Variants in DISC1 observed in about 807,000 individuals in gnomAD.
DISC1 encodes disrupted in schizophrenia 1 protein.
Under a neutral mutation model 84.5 loss-of-function variants are expected in DISC1, and 57 were observed. That is an observed-to-expected ratio of 0.67 (90% confidence interval 0.55 to 0.84). DISC1 has a LOEUF of 0.84. Among genes scored for constraint, DISC1 ranks in the 40% least tolerant of loss-of-function variants. DISC1 has a pLI of 0.00. For missense variants in DISC1, 1,000 were observed against 1,057.8 expected (o/e 0.95, Z 0.76); for synonymous variants, 411 against 415.2 (o/e 0.99, Z 0.12).
At chr1:231,627,031 C>A in intron 1 of DISC1, 97 bp downstream of exon 1, 1 of 824,278 alleles carries the variant, frequency 1.2e-6, no homozygotes, top group Non-Finnish European at 1.8e-6. Flanking sequence ...TCAGGGCGTG[C>A]CTCTGTTAAC....
At chr1:231,895,624 AT>A (rs5781674) in intron 9 of DISC1, among the ~76,000 whole-genome samples, 48 of 149,812 alleles carry the variant, frequency 3.2e-4, no homozygotes, top group African/African-American at 6.6e-4. Context: ...ACTGTGCTAG[AT>A]TTTTTTTTTT....
At chr1:231,836,358 A>G (rs2125841932) in intron 9 of DISC1, among the ~76,000 whole-genome samples, 2 of 152,270 alleles carry the variant, frequency 1.3e-5, no homozygotes, top group South Asian at 4.1e-4. Flanking sequence ...GTTCAAAGAA[A>G]TGGTAGAGAA....
At chr1:231,866,459 C>G (rs2085061587) in intron 9 of DISC1, 1 of 772,276 alleles carries the variant, frequency 1.3e-6, no homozygotes, top group Non-Finnish European at 2.4e-6. Context: ...CAACAGCTAA[C>G]ACTTATTACA....
chr1:231,710,675 T>C (rs12410426), intron 3 of DISC1, among the ~76,000 whole-genome samples: 5,597 of 152,286 alleles, frequency 0.037, 139 homozygotes, highest in Admixed American at 0.064. Context: ...ACAGCTATTT[T>C]CTCCTTGTGT....
At chr1:231,719,334 A>G (rs751956887) in intron 3 of DISC1, among the ~76,000 whole-genome samples, 8 of 152,164 alleles carry the variant, frequency 5.3e-5, no homozygotes, top group African/African-American at 1.4e-4. Context: ...CCTCTCAAGA[A>G]GTGGTTGTTG....
At chr1:231,777,760 C>T (rs1209260247) in intron 6 of DISC1, among the ~76,000 whole-genome samples, 1 of 152,194 alleles carries the variant, frequency 6.6e-6, no homozygotes, top group East Asian at 1.9e-4. Flanking sequence ...TGTTGATACT[C>T]ATACACTAAT....
chr1:231,923,202 G>A (rs1470915390), intron 9 of DISC1, among the ~76,000 whole-genome samples: 1 of 151,076 alleles, frequency 6.6e-6, no homozygotes, highest in Non-Finnish European at 1.5e-5. Flanking sequence ...CAGGAGAATC[G>A]TTTGAACTGG....
Position 231,686,835 on chromosome 1 carries a change from T to C in DISC1, c.68-6991T>C, listed in dbSNP as rs576354169. Among the ~76,000 whole-genome samples the C allele has an allele frequency of 2.1e-4, 32 of 152,324 alleles. No individual in the cohort carries two copies. The South Asian group carries it at 6.6e-3, about 32-fold the overall frequency. On this transcript the variant is annotated intron_variant, in intron 1 of 12. Coordinates refer to ENST00000439617, the MANE Select transcript of DISC1 (RefSeq NM_018662.3). ...CTGAATGCCTTTAACAGCACCCATG[T>C]CACCTCTTGAAGGCTTTGCTGCTTG...
chr1:231,719,937 C>T (rs528849235), intron 3 of DISC1, among the ~76,000 whole-genome samples: 5 of 152,250 alleles, frequency 3.3e-5, no homozygotes, highest in African/African-American at 7.2e-5. Flanking sequence ...CTGATGACAG[C>T]GATGTAGCAG....
intron 9 of DISC1, among the ~76,000 whole-genome samples, chr1:231,833,605 G>A (rs926523091): frequency 2.0e-5 from 3 of 151,930 alleles, no homozygotes; most frequent in Non-Finnish European, 4.4e-5. Context: ...CAGATGAGAC[G>A]CGGCTTAGGA....
chr1:232,028,989 C>G (rs1037033925), intron 12 of DISC1, among the ~76,000 whole-genome samples: 1 of 152,162 alleles, frequency 6.6e-6, no homozygotes, highest in Admixed American at 6.5e-5. Context: ...AGTAGCAGAA[C>G]TTTTCAGCCA....
At chr1:231,730,330 G>A (rs202186554) in intron 3 of DISC1, among the ~76,000 whole-genome samples, 1 of 152,174 alleles carries the variant, frequency 6.6e-6, no homozygotes, top group African/African-American at 2.4e-5. Context: ...GAAGGATAAA[G>A]AAGCCAATGA....
chr1:231,697,900 CT>C (rs112676337), intron 2 of DISC1, among the ~76,000 whole-genome samples: 1 of 152,112 alleles, frequency 6.6e-6, no homozygotes, highest in East Asian at 1.9e-4. Context: ...TTAATGCCAT[CT>C]TTTTTTACAT....
At chr1:231,778,991 C>T (rs534661621) in intron 6 of DISC1, among the ~76,000 whole-genome samples, 4 of 152,166 alleles carry the variant, frequency 2.6e-5, no homozygotes, top group Non-Finnish European at 4.4e-5. Context: ...AATGCTAAAA[C>T]GAGATCATAA....
intron 9 of DISC1, among the ~76,000 whole-genome samples, chr1:231,823,243 G>T (rs1285132190): frequency 6.6e-6 from 1 of 150,660 alleles, no homozygotes; most frequent in East Asian, 2.0e-4. Flanking sequence ...AGAAACTGAT[G>T]AAAAAGTAGA....
At chr1:231,684,948 C>G (rs2064080022) in intron 1 of DISC1, 2 of 152,242 alleles carry the variant, frequency 1.3e-5, no homozygotes, top group African/African-American at 4.8e-5. Context: ...CTCAGCTTTC[C>G]AGATGACTGA....
rs370240567 is a variant in DISC1 at position 231,813,800 on chromosome 1, C to A, written c.1793-4529C>A. ...CTCTTATATTCTTCCCTCCTGAAAT[C>A]TGCCTCAGTCTCTCCTTCTGGAATA... is the stretch of plus-strand genomic sequence containing the variant. On this transcript the variant is annotated intron_variant, in intron 8 of 12. Coordinates refer to ENST00000439617, the MANE Select transcript of DISC1 (RefSeq NM_018662.3). Among the ~76,000 whole-genome samples the A allele has an allele frequency of 1.4e-3, 214 of 152,316 alleles. 1 individual carries two copies. Among genetic ancestry groups the A allele is most frequent in the African/African-American group, 4.8e-3 (198 of 41,562 alleles).
intron 3 of DISC1, among the ~76,000 whole-genome samples, chr1:231,746,524 A>G (rs369519088): frequency 6.6e-6 from 1 of 152,236 alleles, no homozygotes; most frequent in Non-Finnish European, 1.5e-5. Context: ...AGGAACTTCC[A>G]TACTGTTCTC....
At chr1:231,777,765 A>G (rs775280798) in intron 6 of DISC1, among the ~76,000 whole-genome samples, 2 of 152,192 alleles carry the variant, frequency 1.3e-5, no homozygotes, top group Non-Finnish European at 2.9e-5. Flanking sequence ...ATACTCATAC[A>G]CTAATTTTAA....
Sources: gnomAD v4.1 joint callset for allele counts (sites outside exome capture counted in the v4.1 genomes callset) on GRCh38, gnomAD v4.1.1 for gene constraint, MANE v1.5 for transcripts, NCBI Gene and HGNC (gene_info 2026-07-23, HGNC 2026-07-21) for gene names.